The following KCNN2 variants were observed in gnomAD, a reference collection of about 807,000 sequenced individuals.
KCNN2 encodes small conductance calcium-activated potassium channel protein 2.
A neutral mutation model predicts 55.5 loss-of-function variants in KCNN2; 24 were observed. The observed-to-expected ratio is 0.43, with a 90% CI of 0.31 to 0.61. KCNN2 has a LOEUF of 0.61. KCNN2 is among the 20% of genes least tolerant of loss of function. KCNN2 has a pLI of 0.08. For synonymous variants in KCNN2, 431 were observed against 336.1 expected (o/e 1.28, Z -3.09); for missense variants, 754 against 853.6 (o/e 0.88, Z 1.45).
chr5:114,117,545 C>T (rs73782161), intron 1 of KCNN2, among the ~76,000 whole-genome samples: 98 of 152,264 alleles, frequency 6.4e-4, no homozygotes, highest in African/African-American at 2.3e-3. Context: ...AACTGGAGAG[C>T]AGTGAATTGC....
intron 1 of KCNN2, among the ~76,000 whole-genome samples, chr5:114,075,434 G>C (rs1405124118): frequency 2.0e-5 from 3 of 152,152 alleles, no homozygotes; most frequent in Non-Finnish European, 4.4e-5. Flanking sequence ...TTGATCTGAA[G>C]ACTCACAAAT....
intron 3 of KCNN2, among the ~76,000 whole-genome samples, chr5:114,409,415 G>C (rs1396571654): frequency 6.6e-6 from 1 of 152,000 alleles, no homozygotes; most frequent in East Asian, 1.9e-4. Flanking sequence ...ATTATTTTCT[G>C]ACCCTTTTTT....
At chr5:114,127,556 T>C (rs772567569) in intron 1 of KCNN2, among the ~76,000 whole-genome samples, 6 of 152,144 alleles carry the variant, frequency 3.9e-5, no homozygotes, top group Non-Finnish European at 5.9e-5. Flanking sequence ...AACCATTTTT[T>C]CCTCCTAGGC....
chr5:114,376,012 A>C, intron 2 of KCNN2, among the ~76,000 whole-genome samples: 1 of 119,988 alleles, frequency 8.3e-6, no homozygotes, highest in African/African-American at 3.1e-5. Context: ...ATTTCACACA[A>C]TCTCTTTTAA....
chr5:114,277,296 A>G (rs1046717524), intron 2 of KCNN2, among the ~76,000 whole-genome samples: 1 of 152,078 alleles, frequency 6.6e-6, no homozygotes, highest in Non-Finnish European at 1.5e-5. Context: ...AACCTTGGTG[A>G]ATCTGACAAT....
chr5:114,458,226 C>T (rs557086122), intron 3 of KCNN2, among the ~76,000 whole-genome samples: 162 of 152,260 alleles, frequency 1.1e-3, no homozygotes, highest in Non-Finnish European at 1.9e-3. Context: ...ACATTTGAGA[C>T]CAGAGCTGAC....
At chr5:114,138,347 T>A (rs1253661398) in intron 1 of KCNN2, among the ~76,000 whole-genome samples, 1 of 152,174 alleles carries the variant, frequency 6.6e-6, no homozygotes, top group Non-Finnish European at 1.5e-5. Flanking sequence ...TTTATTCATA[T>A]CGTATCTCCA....
At chr5:114,368,948 G>C (rs544388099) in intron 2 of KCNN2, among the ~76,000 whole-genome samples, 3 of 152,074 alleles carry the variant, frequency 2.0e-5, no homozygotes, top group African/African-American at 7.2e-5. Flanking sequence ...TCTGAGAGCC[G>C]ATAGGCAAAT....
intron 1 of KCNN2, among the ~76,000 whole-genome samples, chr5:114,149,792 A>C (rs1752477274): frequency 6.6e-6 from 1 of 152,232 alleles, no homozygotes; most frequent in Non-Finnish European, 1.5e-5. Flanking sequence ...AGCTGGTTAC[A>C]AACAATCCAT....
At chr5:114,097,525 G>C (rs949977180) in intron 1 of KCNN2, among the ~76,000 whole-genome samples, 1 of 152,112 alleles carries the variant, frequency 6.6e-6, no homozygotes, top group South Asian at 2.1e-4. Context: ...ACTATAGCTT[G>C]TTCCCCTGGC....
In KCNN2 at chr5:114,294,990, T is replaced by A. The variant is rs537554316; in HGVS notation, c.-184-65955T>A. 5.0e-3 allele frequency among the ~76,000 whole-genome samples: 768 copies of A among 152,192 alleles called. 5 individuals are homozygous for A. The highest frequency in any genetic ancestry group is 0.018 in the African/African-American group (734 of 41,534). ...AGTCTGTTTTATCAGAGACTAGGAT[T>A]GCAACCCCTGCCTTTTTTTGTTTTC... On this transcript the variant is annotated intron_variant, in intron 2 of 10. Coordinates refer to the KCNN2 transcript ENST00000512097.
rs1757469718 is a variant in KCNN2, at chr5:114,362,724, G to C, written c.585G>C (p.Gln195His). Residue 195 changes from glutamine (Q) to histidine (H), a missense_variant, in exon 1 of 8, where the codon CAG becomes CAC. Coordinates refer to ENST00000673685, the MANE Select transcript of KCNN2 (RefSeq NM_021614.4). ...ACCACCCGCACCCGGCGCACCACCA[G>C]CACCACCAGCCCCAGGCGCGCCGCG... is the stretch of plus-strand genomic sequence containing the variant. ...HHHHPHPAHHQHHQPQARRES... is the reference protein window; with the variant it reads ...HHHHPHPAHHHHHQPQARRES... 1.3e-6 allele frequency: 2 copies of C among 1,516,668 alleles called. No homozygotes were observed. The highest frequency in any genetic ancestry group is 2.3e-5 in the East Asian group (1 of 43,490). 94.0% of individuals were successfully genotyped at this position (1,516,668 alleles called of 1,614,324 possible).
intron 1 of KCNN2, among the ~76,000 whole-genome samples, chr5:114,190,666 T>C (rs923905172): frequency 1.3e-5 from 2 of 152,166 alleles, no homozygotes; most frequent in African/African-American, 4.8e-5. Flanking sequence ...GTTTTCTAAA[T>C]GAGACTAAAC....
intron 6 of KCNN2, among the ~76,000 whole-genome samples, chr5:114,488,045 A>G (rs73247832): frequency 0.012 from 1,796 of 152,284 alleles, 33 homozygotes; most frequent in African/African-American, 0.041. Flanking sequence ...CAGAGGCTGC[A>G]ATTTTTATTT....
intron 2 of KCNN2, among the ~76,000 whole-genome samples, chr5:114,295,487 A>G (rs1278231267): frequency 6.6e-6 from 1 of 152,124 alleles, no homozygotes; most frequent in African/African-American, 2.4e-5. Flanking sequence ...CTCCATGGGC[A>G]TGGGACCCTC....
intron 1 of KCNN2, among the ~76,000 whole-genome samples, chr5:114,135,290 T>A (rs1478137153): frequency 6.6e-6 from 1 of 152,186 alleles, no homozygotes; most frequent in Non-Finnish European, 1.5e-5. Flanking sequence ...TCACTCTTTA[T>A]TCAACACTGT....
At chr5:114,456,269 A>G (rs1760922978) in intron 3 of KCNN2, among the ~76,000 whole-genome samples, 1 of 152,194 alleles carries the variant, frequency 6.6e-6, no homozygotes, top group South Asian at 2.1e-4. Context: ...GCCGTTAAGA[A>G]TTATACTAAA....
At chr5:114,329,974 C>A (rs991642151) in intron 2 of KCNN2, among the ~76,000 whole-genome samples, 1 of 151,926 alleles carries the variant, frequency 6.6e-6, no homozygotes, top group Admixed American at 6.6e-5. Flanking sequence ...CAGGAGAGCA[C>A]CACCCTCTAA....
At chr5:114,257,763 G>T (rs1237874053) in intron 2 of KCNN2, among the ~76,000 whole-genome samples, 1 of 152,022 alleles carries the variant, frequency 6.6e-6, no homozygotes, top group Non-Finnish European at 1.5e-5. Context: ...AGTCTTGAGG[G>T]TTTTCTAGGT....
Sources: gnomAD v4.1 joint callset for allele counts (sites outside exome capture counted in the v4.1 genomes callset) on GRCh38, gnomAD v4.1.1 for gene constraint, MANE v1.5 for transcripts, NCBI Gene and HGNC (gene_info 2026-07-23, HGNC 2026-07-21) for gene names.